FDFT1: variants seen among roughly 807,000 people sequenced by gnomAD.
The protein encoded by FDFT1 is squalene synthase.
Under a neutral mutation model 46.8 loss-of-function variants are expected in FDFT1, and 68 were observed. The ratio of observed to expected loss-of-function variants is 1.45; its 90% CI spans 1.19 to 1.78. The LOEUF (loss-of-function observed/expected upper bound fraction) is 1.78, where lower values mean the gene tolerates loss of function less well. Ranked by LOEUF, FDFT1 falls within the 40% of genes most tolerant of loss-of-function variation. The pLI is 0.00. For missense variants in FDFT1, 928 were observed against 524.4 expected, an observed-to-expected ratio of 1.77 and a Z score of -7.52; for synonymous variants, 351 against 185.1, an observed-to-expected ratio of 1.90 and a Z score of -7.28.
At position 11,823,919 on chromosome 8, in the gene FDFT1, A is replaced by G. The variant is rs180840513; in HGVS notation, c.510+2041A>G. Among the ~76,000 whole-genome samples, 151 of 151,582 alleles carry G rather than the reference A, an allele frequency of 1.0e-3. 1 individual carries two copies. Among genetic ancestry groups the G allele is most frequent in the Non-Finnish European group, 5.2e-4 (35 of 67,876 alleles). The stretch of plus-strand genomic sequence containing the variant: ...CCACTACACCAGGCTAATTTTTGTA[A>G]TTTTTTGGTAGAGACAGGGTTTCAT... On this transcript the variant is annotated intron_variant, in intron 4 of 7. Coordinates refer to ENST00000220584, the MANE Select transcript of FDFT1 (RefSeq NM_004462.5).
At chr8:11,802,044 T>G, upstream of FDFT1, 1 of 455,908 alleles carries the variant, frequency 2.2e-6, no homozygotes, top group Non-Finnish European at 4.4e-6. Flanking sequence ...AGTTTCCACA[T>G]TCCTGTTACA....
chr8:11,807,176 TG>T (rs1304566807), intron 1 of FDFT1, among the ~76,000 whole-genome samples: 1 of 152,184 alleles, frequency 6.6e-6, no homozygotes, highest in African/African-American at 2.4e-5. Flanking sequence ...TTTTTTGAGA[TG>T]GGGTCCCACT....
At chr8:11,831,847 A>C (rs1383934249) in intron 7 of FDFT1, 177 bp downstream of exon 7, 9 of 603,804 alleles carry the variant, frequency 1.5e-5, no homozygotes, top group African/African-American at 3.7e-5. Context: ...AGCCGAGCAG[A>C]TTGCTCACTG....
At chr8:11,802,094 T>C (rs1806180911), upstream of FDFT1, 1 of 454,960 alleles carries the variant, frequency 2.2e-6, no homozygotes, top group Non-Finnish European at 4.4e-6. Context: ...AGGACTAAGC[T>C]GGATCTCAAG....
intron 3 of FDFT1, among the ~76,000 whole-genome samples, chr8:11,814,721 T>C (rs374628996): frequency 1.1e-4 from 16 of 152,344 alleles, no homozygotes; most frequent in East Asian, 5.8e-4. Flanking sequence ...TGCCTCATAC[T>C]GAGTTGTTTA....
rs766029100 is a variant in FDFT1, at chr8:11,826,074, C to G, written c.561C>G (p.Phe187Leu). 3.1e-6 allele frequency: 5 copies of G among 1,606,524 alleles called. No individual in the cohort carries two copies. The highest frequency in any genetic ancestry group is 4.3e-6 in the Non-Finnish European group (5 of 1,174,068). Residue 187 changes from phenylalanine (F) to leucine (L), a missense_variant, in exon 5 of 8, where the codon TTC (phenylalanine) becomes TTG (leucine). Phe to Leu is a conservative substitution (Grantham distance 22). Transcript: ENST00000220584. Reference protein sequence around the residue: ...GLVGIGLSRLFSASEFEDPLV... With the variant: ...GLVGIGLSRLLSASEFEDPLV... The stretch of plus-strand genomic sequence containing the variant: ...TCGGAATTGGCCTTTCCCGTCTTTT[C>G]TCAGCCTCAGAGTTTGAAGACCCCT...
chr8:11,824,873 C>T (rs546320215), intron 4 of FDFT1, among the ~76,000 whole-genome samples: 117 of 152,196 alleles, frequency 7.7e-4, no homozygotes, highest in African/African-American at 2.7e-3. Context: ...GTAGCTGGGA[C>T]TACAGGCACC....
At chr8:11,821,010 T>A (rs1353434824) in intron 3 of FDFT1, among the ~76,000 whole-genome samples, 1 of 152,240 alleles carries the variant, frequency 6.6e-6, no homozygotes, top group Non-Finnish European at 1.5e-5. Flanking sequence ...GAAGCAACTC[T>A]GGGTCTGAGT....
intron 1 of FDFT1, 52 bp from the exon 2 acceptor site, chr8:11,808,740 TCC>T: frequency 1.9e-6 from 3 of 1,589,582 alleles, no homozygotes; most frequent in Non-Finnish European, 2.6e-6. Flanking sequence ...CCACTCCCAC[TCC>T]CACTCCTGCT....
At chr8:11,828,269 A>G (rs1810285241) in intron 5 of FDFT1, among the ~76,000 whole-genome samples, 2 of 152,026 alleles carry the variant, frequency 1.3e-5, no homozygotes, top group South Asian at 4.2e-4. Flanking sequence ...GCAGCCTGGG[A>G]GACAGAGCAA....
rs772157622 is a variant in FDFT1, at chr8:11,826,067, G to A, written c.554G>A (p.Arg185His). ...VAGLVGIGLSRLFSASEFEDP... is the reference protein window; with the variant it reads ...VAGLVGIGLSHLFSASEFEDP... ...GGGCTGGTCGGAATTGGCCTTTCCC[G>A]TCTTTTCTCAGCCTCAGAGTTTGAA... The change falls in exon 5 of 8, where the codon CGT becomes CAT. Residue 185 changes from arginine (R) to histidine (H), a missense_variant. Transcript: ENST00000220584. 3.7e-5 allele frequency: 59 copies of A among 1,604,002 alleles called. No homozygotes were observed. The highest frequency in any genetic ancestry group is 1.3e-4 in the South Asian group (12 of 90,330).
intron 3 of FDFT1, among the ~76,000 whole-genome samples, chr8:11,818,830 A>C (rs1222962959): frequency 6.6e-6 from 1 of 152,160 alleles, no homozygotes. Context: ...GCGTCTTTTA[A>C]CTGGGGCATT....
chr8:11,831,134 A>G (rs1224268765), intron 6 of FDFT1, among the ~76,000 whole-genome samples: 1 of 152,238 alleles, frequency 6.6e-6, no homozygotes, highest in African/African-American at 2.4e-5. Flanking sequence ...TGTTGTAGGA[A>G]AAATAGAAAA....
rs763737105 is a variant in FDFT1, at chr8:11,802,830, A to T, written c.-3A>T. The stretch of plus-strand genomic sequence containing the variant: ...CGCCCGGGAGTCCGCCGCCTGCGCC[A>T]GGATGGAGTTCGTGAAATGCCTTGG... On this transcript the variant is annotated 5_prime_UTR_variant, in exon 1 of 8. Coordinates refer to ENST00000220584, the MANE Select transcript of FDFT1 (RefSeq NM_004462.5). The T allele has an allele frequency of 6.2e-7, 1 of 1,607,838 alleles. No homozygotes were observed. Among genetic ancestry groups the T allele is most frequent in the Non-Finnish European group, 8.5e-7 (1 of 1,176,906 alleles).
At chr8:11,808,409 G>A in intron 1 of FDFT1, 6 of 1,238,022 alleles carry the variant, frequency 4.8e-6, no homozygotes, top group Non-Finnish European at 6.0e-6. Flanking sequence ...GTTGTGGGTC[G>A]GCCCAGCGCG....
chr8:11,808,756 C>T (rs777677522), intron 1 of FDFT1, 38 bp from the exon 2 acceptor site: 23 of 1,579,398 alleles, frequency 1.5e-5, no homozygotes, highest in East Asian at 6.8e-5. Flanking sequence ...TCCTGCTCCT[C>T]GACGTCTCCC....
intron 6 of FDFT1, 26 bp downstream of exon 6, chr8:11,830,446 G>C (rs1486777899): frequency 6.4e-7 from 1 of 1,557,154 alleles, no homozygotes; most frequent in African/African-American, 1.4e-5. Flanking sequence ...CCTCTGGGTG[G>C]ATACGGGGCT....
At position 11,809,707 on chromosome 8, in the gene FDFT1, G is replaced by C; in HGVS notation, c.238G>C (p.Asp80His). 6.2e-7 allele frequency: 1 copy of C among 1,614,050 alleles called. No individual in the cohort carries two copies. The highest frequency in any genetic ancestry group is 8.5e-7 in the Non-Finnish European group (1 of 1,179,962). The change falls in exon 3 of 8, where the codon GAC becomes CAC. Residue 80 changes from aspartate to histidine, a missense_variant. Asp to His is a moderately conservative substitution (Grantham distance 81). Transcript: ENST00000220584. ...CIFYLVLRALDTLEDDMTISV... is the reference protein window; with the variant it reads ...CIFYLVLRALHTLEDDMTISV... ...ATTTTATCTGGTTCTCCGAGCTCTG[G>C]ACACACTGGAAGATGACATGACCAT...
rs371964495 is a variant in FDFT1, at chr8:11,823,043, C to G, written c.510+1165C>G. On this transcript the variant is annotated intron_variant, in intron 4 of 7. Coordinates refer to ENST00000220584, the MANE Select transcript of FDFT1 (RefSeq NM_004462.5). Reference sequence around the variant, plus strand: ...GATCACGGCTCCCCGCAGCCTCAACCTCCTGGGCTCAGGTGATCCTCCCAC... The same window carrying G: ...GATCACGGCTCCCCGCAGCCTCAACGTCCTGGGCTCAGGTGATCCTCCCAC... Among the ~76,000 whole-genome samples, 29 of 152,254 alleles carry G rather than the reference C, an allele frequency of 1.9e-4. No homozygotes were observed. The South Asian group carries it at 6.0e-3, about 32-fold the overall frequency.
Sources: allele counts gnomAD v4.1 joint callset (sites outside exome capture counted in the v4.1 genomes callset), GRCh38; gene constraint gnomAD v4.1.1; transcripts MANE v1.5; gene names NCBI Gene and HGNC (gene_info 2026-07-23, HGNC 2026-07-21).